NBL1: variants seen among roughly 807,000 people sequenced by gnomAD.
The protein encoded by NBL1 is NBL1, DAN family BMP antagonist, also known as neuroblastoma suppressor of tumorigenicity 1.
Under a neutral mutation model 16.0 loss-of-function variants are expected in NBL1, and 9 were observed. The ratio of observed to expected loss-of-function variants is 0.56; its 90% CI spans 0.34 to 0.98. NBL1 has a LOEUF of 0.98. Ranked by LOEUF, NBL1 falls within the 50% of genes least tolerant of loss-of-function variation. The pLI is 0.02. For missense variants in NBL1, 196 were observed against 243.1 expected (o/e 0.81, Z 1.29); for synonymous variants, 86 against 100.7 (o/e 0.85, Z 0.87).
intron 1 of NBL1, among the ~76,000 whole-genome samples, chr1:19,647,884 CGT>C (rs1558360973): frequency 1.5e-5 from 2 of 129,304 alleles, no homozygotes; most frequent in Non-Finnish European, 3.3e-5. Context: ...TGTGTGTGTG[CGT>C]GTGCGCGCGT....
At position 19,657,883 on chromosome 1, in the gene NBL1, T is replaced by G. The variant is rs991728730; in HGVS notation, c.*754T>G. ...GGGGACAACCCCCCAAGACCATCCC[T>G]GAAGACGAGCATCCCCCTCCTCTCC... On this transcript the variant is annotated 3_prime_UTR_variant, in exon 4 of 4. Coordinates refer to ENST00000375136, the MANE Select transcript of NBL1 (RefSeq NM_005380.8). The G allele has an allele frequency of 2.6e-5, 4 of 152,756 alleles. No homozygotes were observed. Among genetic ancestry groups the G allele is most frequent in the African/African-American group, 9.7e-5 (4 of 41,446 alleles). 9.5% of individuals were successfully genotyped at this position (152,756 alleles called of 1,614,324 possible). A position where few individuals can be genotyped will look rare whatever the true frequency, so the allele number is the denominator to read the frequency against.
chr1:19,648,184 G>A (rs938904456), intron 1 of NBL1, among the ~76,000 whole-genome samples: 5 of 152,168 alleles, frequency 3.3e-5, no homozygotes, highest in African/African-American at 9.7e-5. Context: ...CACGGTGGGC[G>A]GGAGTCAGGA....
chr1:19,651,805 C>T (rs931172017), intron 1 of NBL1, among the ~76,000 whole-genome samples: 3 of 152,194 alleles, frequency 2.0e-5, no homozygotes, highest in Non-Finnish European at 2.9e-5. Context: ...AGCCATCCTC[C>T]CGCCTCAGCT....
chr1:19,650,928 GGA>G (rs2095021053), intron 1 of NBL1, among the ~76,000 whole-genome samples: 1 of 152,192 alleles, frequency 6.6e-6, no homozygotes, highest in South Asian at 2.1e-4. Flanking sequence ...GCCGTGTGTG[GGA>G]GAGACTTCAT....
chr1:19,643,815 A>G (rs999953597), upstream of NBL1: 16 of 995,636 alleles, frequency 1.6e-5, no homozygotes, highest in Non-Finnish European at 1.9e-5. The surrounding 1 kb of genome is among the most constrained non-coding windows in gnomAD (Gnocchi z 4.7). Flanking sequence ...GCACCGCAGA[A>G]CTGGGGACTC....
chr1:19,658,098 C>T lies in NBL1; in HGVS notation c.*969C>T, dbSNP rs2095065895. The T allele has an allele frequency of 6.5e-6, 1 of 152,746 alleles. No homozygotes were observed. The highest frequency in any genetic ancestry group is 1.5e-5 in the Non-Finnish European group (1 of 68,144). The allele number at this position is 152,746 out of a possible 1,614,324, so 9.5% of individuals were successfully genotyped here. A position where few individuals can be genotyped will look rare whatever the true frequency, so the allele number is the denominator to read the frequency against. On this transcript the variant is annotated 3_prime_UTR_variant, in exon 4 of 4. Transcript: ENST00000375136. Reference sequence around the variant, plus strand: ...TAGGCGGGATGGGCTCGCTGAACCTCGAGGAACTCCAGGACGAGGAGGACA... The same window carrying T: ...TAGGCGGGATGGGCTCGCTGAACCTTGAGGAACTCCAGGACGAGGAGGACA...
At chr1:19,646,139 T>C (rs2100391341) in intron 1 of NBL1, 2 of 1,305,538 alleles carry the variant, frequency 1.5e-6, no homozygotes, top group Non-Finnish European at 2.1e-6. Flanking sequence ...GTGTCCGCCC[T>C]CTGGACAGTT....
Position 19,657,331 on chromosome 1 carries a change from A to T in NBL1, c.*202A>T. 3.7e-6 allele frequency: 1 copy of T among 266,820 alleles called. No homozygotes were observed. The allele number at this position is 266,820 out of a possible 1,614,324, so 16.5% of individuals were successfully genotyped here. ...AGCTGCACAATTTAATATATTCAAGAGTGGGGGGAGGAAGCAGAGGTCTTC... is the reference window on the plus strand; with the variant it reads ...AGCTGCACAATTTAATATATTCAAGTGTGGGGGGAGGAAGCAGAGGTCTTC... On this transcript the variant is annotated 3_prime_UTR_variant, in exon 4 of 4. Transcript: ENST00000375136.
intron 1 of NBL1, chr1:19,646,083 G>T (rs747376473): frequency 6.5e-7 from 1 of 1,546,822 alleles, no homozygotes; most frequent in South Asian, 1.2e-5. Context: ...AGGTGGTCAG[G>T]GCTGGAAGAT....
intron 1 of NBL1, chr1:19,645,312 C>G: frequency 1.0e-6 from 1 of 967,270 alleles, no homozygotes; most frequent in Non-Finnish European, 1.2e-6. Flanking sequence ...GCCGGCTGGA[C>G]GACAGGCCCT....
At position 19,656,947 on chromosome 1, in the gene NBL1, G is replaced by T. The variant is rs745866345; in HGVS notation, c.364G>T (p.Ala122Ser). ...VEKILHCSCQ[A>S]CGKEPSHEGL... The stretch of plus-strand genomic sequence containing the variant: ...GAAGATCCTGCACTGTAGCTGCCAG[G>T]CCTGCGGCAAGGAGCCTAGTCACGA... Residue 122 changes from alanine (A) to serine (S), a missense_variant, in exon 4 of 4, where the codon GCC becomes TCC. Ala to Ser is a moderately conservative substitution (Grantham distance 99). Coordinates refer to ENST00000375136, the MANE Select transcript of NBL1 (RefSeq NM_005380.8). The T allele has an allele frequency of 4.5e-5, 72 of 1,612,832 alleles. No individual in the cohort carries two copies. The highest frequency in any genetic ancestry group is 5.0e-5 in the Non-Finnish European group (59 of 1,179,632).
chr1:19,644,474 G>A lies in NBL1; in HGVS notation c.-20+28G>A. 1 of 978,132 alleles carries A rather than the reference G, an allele frequency of 1.0e-6. No individual in the cohort carries two copies. Among genetic ancestry groups the A allele is most frequent in the African/African-American group, 1.8e-5 (1 of 56,740 alleles). 60.6% of individuals were successfully genotyped at this position (978,132 alleles called of 1,614,324 possible). The stretch of plus-strand genomic sequence containing the variant: ...AAGTCCCGCCCGGGTCGGCACGCGG[G>A]CGCCCGGCTTCCAGAGGCTTCGGCC... On this transcript the variant is annotated intron_variant, in intron 1 of 3. Transcript: ENST00000375136. The surrounding 1 kb of genome is among the most constrained non-coding windows in gnomAD (Gnocchi z 4.6).
chr1:19,648,423 G>A (rs531202543), intron 1 of NBL1, among the ~76,000 whole-genome samples: 21 of 152,284 alleles, frequency 1.4e-4, no homozygotes, highest in African/African-American at 3.6e-4. Flanking sequence ...CATACCTGGC[G>A]GGGTCACACG....
At chr1:19,654,137 C>T (rs1176847983) in intron 1 of NBL1, among the ~76,000 whole-genome samples, 2 of 152,114 alleles carry the variant, frequency 1.3e-5, no homozygotes, top group Admixed American at 6.5e-5. Context: ...AGGCCAGGTG[C>T]GGTGGCTCAC....
At chr1:19,652,877 A>T (rs1159966020) in intron 1 of NBL1, among the ~76,000 whole-genome samples, 1 of 152,092 alleles carries the variant, frequency 6.6e-6, no homozygotes, top group African/African-American at 2.4e-5. Flanking sequence ...AATTCCAGCT[A>T]TTCTGGAGGC....
intron 1 of NBL1, among the ~76,000 whole-genome samples, chr1:19,651,285 C>G (rs1019098356): frequency 7.2e-5 from 11 of 152,162 alleles, no homozygotes; most frequent in Non-Finnish European, 1.3e-4. Context: ...GGCCGAGGCC[C>G]CAGCGCCCTG....
intron 1 of NBL1, among the ~76,000 whole-genome samples, chr1:19,648,238 A>AG (rs2094996470): frequency 6.6e-6 from 1 of 152,148 alleles, no homozygotes. Context: ...CTGTGTATTT[A>AG]GGGTGCATTT....
At chr1:19,648,741 G>A (rs1387239099) in intron 1 of NBL1, among the ~76,000 whole-genome samples, 5 of 149,276 alleles carry the variant, frequency 3.3e-5, no homozygotes, top group African/African-American at 7.4e-5. Flanking sequence ...GCAGAGGGCC[G>A]CTGAGGAAGT....
chr1:19,654,896 A>C, intron 1 of NBL1, 116 bp from the exon 2 acceptor site: 2 of 1,342,700 alleles, frequency 1.5e-6, no homozygotes, highest in Non-Finnish European at 9.8e-7. Context: ...CTTGGTTAGT[A>C]AGTGGGAGAG....
Sources: allele counts gnomAD v4.1 joint callset (sites outside exome capture counted in the v4.1 genomes callset), GRCh38; gene constraint gnomAD v4.1.1; non-coding constraint Gnocchi (gnomAD v3.1); transcripts MANE v1.5; gene names NCBI Gene and HGNC (gene_info 2026-07-23, HGNC 2026-07-21).